FANCL: variants seen among roughly 807,000 people sequenced by gnomAD.
FANCL encodes the protein FA complementation group L.
FANCL carries 69 observed loss-of-function variants against 59.4 expected under a neutral mutation model. The ratio of observed to expected loss-of-function variants is 1.16; its 90% confidence interval spans 0.96 to 1.42. FANCL has a LOEUF of 1.42. Among genes scored for constraint, FANCL ranks in the 40% most tolerant of loss-of-function variants. The pLI is 0.00. For missense variants in FANCL, 519 were observed against 447.2 expected (o/e 1.16, Z -1.45); for synonymous variants, 180 against 147.1 (o/e 1.22, Z -1.62).
chr2:58,211,450 G>A (rs989699216), intron 5 of FANCL, among the ~76,000 whole-genome samples: 1 of 152,164 alleles, frequency 6.6e-6, no homozygotes, highest in Non-Finnish European at 1.5e-5. Flanking sequence ...AGTGGCTGCC[G>A]TGAAGACCTC....
chr2:58,213,099 T>G (rs1019579219), intron 5 of FANCL, among the ~76,000 whole-genome samples: 2 of 152,238 alleles, frequency 1.3e-5, no homozygotes, highest in Non-Finnish European at 2.9e-5. Context: ...ATGATTATAC[T>G]GACAAATCTA....
At position 58,198,600 on chromosome 2, in the gene FANCL, T is replaced by C. The variant is rs151181785; in HGVS notation, c.534A>G (p.Thr178=). ...TTACCTGAGGAGAATTTACCTGAGG[T>C]GTCCAGGAGGCACAAAATGGAACAG... The part of the protein sequence containing the change: ...DFPVPFCASW[T]PQSSLISIYS... Residue 178 remains threonine, a synonymous_variant, in exon 7 of 14, where the codon ACA becomes ACG. Transcript: ENST00000233741. The C allele has an allele frequency of 3.6e-4, 584 of 1,612,954 alleles. No homozygotes were observed. The highest frequency in any genetic ancestry group is 4.8e-4 in the South Asian group (44 of 91,048).
At chr2:58,178,490 A>T (rs1184736767) in intron 7 of FANCL, among the ~76,000 whole-genome samples, 2 of 152,206 alleles carry the variant, frequency 1.3e-5, no homozygotes, top group Non-Finnish European at 2.9e-5. Flanking sequence ...CCACATGATT[A>T]TCTCAATAGA....
chr2:58,161,770 TATTC>T (rs1158848866), intron 11 of FANCL, 132 bp from the exon 12 acceptor site: 1 of 664,212 alleles, frequency 1.5e-6, no homozygotes, highest in Non-Finnish European at 2.8e-6. Context: ...ATAATTAAGA[TATTC>T]ATCACCTCAA....
chr2:58,164,862 C>A (rs1183176958), intron 8 of FANCL, among the ~76,000 whole-genome samples: 1 of 152,020 alleles, frequency 6.6e-6, no homozygotes, highest in Non-Finnish European at 1.5e-5. Flanking sequence ...TGTAGAACTG[C>A]TGTAAACTAT....
intron 1 of FANCL, among the ~76,000 whole-genome samples, chr2:58,232,956 A>G (rs1693717093): frequency 6.6e-6 from 1 of 152,060 alleles, no homozygotes; most frequent in South Asian, 2.1e-4. Context: ...ATTTTAACAC[A>G]GTCTCCCTCA....
At chr2:58,209,072 T>C (rs1233921947) in intron 5 of FANCL, among the ~76,000 whole-genome samples, 2 of 152,188 alleles carry the variant, frequency 1.3e-5, no homozygotes, top group South Asian at 2.1e-4. Flanking sequence ...CCAACATTCA[T>C]CTCCTCTAAG....
At chr2:58,176,474 C>A (rs916352702) in intron 7 of FANCL, among the ~76,000 whole-genome samples, 2 of 151,968 alleles carry the variant, frequency 1.3e-5, no homozygotes, top group African/African-American at 2.4e-5. Flanking sequence ...GAAATAACGC[C>A]GCATATCTAC....
intron 5 of FANCL, among the ~76,000 whole-genome samples, chr2:58,214,786 T>C (rs1158641799): frequency 2.0e-5 from 3 of 152,100 alleles, no homozygotes; most frequent in Admixed American, 2.0e-4. Flanking sequence ...GTACTGGGAT[T>C]ACAGGTGTGA....
At chr2:58,171,659 C>G (rs1461586233) in intron 7 of FANCL, among the ~76,000 whole-genome samples, 6 of 152,202 alleles carry the variant, frequency 3.9e-5, no homozygotes, top group Admixed American at 6.5e-5. Flanking sequence ...CTCCGGTCTA[C>G]AGCTCCCAGG....
chr2:58,168,512 C>A (rs1357377901), intron 7 of FANCL, among the ~76,000 whole-genome samples: 1 of 152,130 alleles, frequency 6.6e-6, no homozygotes, highest in African/African-American at 2.4e-5. Flanking sequence ...AAGCACAAAA[C>A]TGGGTGGTCA....
chr2:58,175,196 A>C (rs1687162600), intron 7 of FANCL, among the ~76,000 whole-genome samples: 2 of 148,114 alleles, frequency 1.4e-5, no homozygotes, highest in South Asian at 4.3e-4. Flanking sequence ...GCCGAATTCT[A>C]CCAGAGGTAC....
chr2:58,234,708 A>G (rs190312929), intron 1 of FANCL, among the ~76,000 whole-genome samples: 211 of 152,202 alleles, frequency 1.4e-3, no homozygotes, highest in Admixed American at 1.5e-3. Context: ...GATTTTCAAA[A>G]TAAGAAAAAA....
At chr2:58,217,687 T>A (rs915852228) in intron 5 of FANCL, among the ~76,000 whole-genome samples, 2 of 150,842 alleles carry the variant, frequency 1.3e-5, no homozygotes, top group African/African-American at 2.4e-5. Context: ...TGACTGCAAA[T>A]AGACATAAAG....
intron 7 of FANCL, among the ~76,000 whole-genome samples, chr2:58,167,850 C>T (rs143082539): frequency 6.8e-4 from 103 of 152,206 alleles, no homozygotes; most frequent in African/African-American, 2.0e-3. Context: ...GCAATTTCAA[C>T]GAACTTAGGG....
intron 7 of FANCL, among the ~76,000 whole-genome samples, chr2:58,190,673 T>C (rs1277123857): frequency 6.6e-6 from 1 of 151,770 alleles, no homozygotes; most frequent in Non-Finnish European, 1.5e-5. Context: ...ATCACATAAG[T>C]TCAAAACTAA....
chr2:58,195,778 C>G (rs1311788638), intron 7 of FANCL, among the ~76,000 whole-genome samples: 1 of 152,062 alleles, frequency 6.6e-6, no homozygotes, highest in Non-Finnish European at 1.5e-5. Context: ...TAAGATGAGA[C>G]TAAAGCTTGC....
chr2:58,229,822 C>T lies in FANCL; in HGVS notation c.208G>A (p.Val70Ile), dbSNP rs758754024. ...RTILSGYHRIVQQRMQHSPDL... is the reference protein window; with the variant it reads ...RTILSGYHRIIQQRMQHSPDL... ...TTTTAAAAAGGACTTACCTGTTGTACTATTCGATGGTATCCACTAAGTATT... is the reference window on the plus strand; with the variant it reads ...TTTTAAAAAGGACTTACCTGTTGTATTATTCGATGGTATCCACTAAGTATT... The change falls in exon 3 of 14, where the codon GTA becomes ATA. Residue 70 changes from valine (V) to isoleucine (I), a missense_variant. By Grantham distance (29) the Val-to-Ile change is conservative (BLOSUM62 3). Coordinates refer to ENST00000233741, the MANE Select transcript of FANCL (RefSeq NM_018062.4). 4.4e-6 allele frequency: 7 copies of T among 1,608,338 alleles called. No individual in the cohort carries two copies. The African/African-American group carries it at 6.7e-5, about 15-fold the overall frequency.
chr2:58,181,956 A>G (rs1477853337), intron 7 of FANCL, among the ~76,000 whole-genome samples: 1 of 151,724 alleles, frequency 6.6e-6, no homozygotes, highest in Admixed American at 6.6e-5. Flanking sequence ...CTATATATTT[A>G]AATAATATAT....
Sources: allele counts gnomAD v4.1 joint callset (sites outside exome capture counted in the v4.1 genomes callset), GRCh38; gene constraint gnomAD v4.1.1; transcripts MANE v1.5; gene names NCBI Gene and HGNC (gene_info 2026-07-23, HGNC 2026-07-21).